The following ZDHHC14 variants were observed in gnomAD, a reference collection of about 807,000 sequenced individuals.
The protein encoded by ZDHHC14 is palmitoyltransferase ZDHHC14.
A neutral mutation model predicts 47.7 loss-of-function variants in ZDHHC14; 16 were observed. The ratio of observed to expected loss-of-function variants is 0.34; its 90% CI spans 0.23 to 0.51. ZDHHC14 has a LOEUF of 0.51. ZDHHC14 is among the 20% of genes least tolerant of loss of function. The probability of loss-of-function intolerance (pLI) is 0.97; values close to 1 mark genes in which losing one functional copy is unlikely to be tolerated. For missense variants in ZDHHC14, 515 were observed against 662.5 expected (o/e 0.78, Z 2.44); for synonymous variants, 293 against 278.9 (o/e 1.05, Z -0.50).
chr6:157,611,975 C>T (rs113363833), intron 3 of ZDHHC14, among the ~76,000 whole-genome samples: 5,264 of 152,268 alleles, frequency 0.035, 110 homozygotes, highest in Non-Finnish European at 0.051. Context: ...CATGCATATG[C>T]AGCTTCCCGC....
At chr6:157,588,403 G>T (rs1783775219) in intron 2 of ZDHHC14, among the ~76,000 whole-genome samples, 1 of 152,332 alleles carries the variant, frequency 6.6e-6, no homozygotes, top group South Asian at 2.1e-4. Context: ...AGGCTACAGT[G>T]AGCTATGATA....
chr6:157,414,077 C>A (rs1248903917), intron 1 of ZDHHC14, among the ~76,000 whole-genome samples: 1 of 152,156 alleles, frequency 6.6e-6, no homozygotes, highest in Non-Finnish European at 1.5e-5. Context: ...GCTGGGATTA[C>A]AGGCATACCA....
intron 1 of ZDHHC14, among the ~76,000 whole-genome samples, chr6:157,500,714 T>C (rs1780174422): frequency 6.6e-6 from 1 of 152,198 alleles, no homozygotes; most frequent in Non-Finnish European, 1.5e-5. Flanking sequence ...AGAACAGACA[T>C]GGTCCATCGT....
chr6:157,506,832 A>C (rs747078225), intron 1 of ZDHHC14, among the ~76,000 whole-genome samples: 1 of 152,240 alleles, frequency 6.6e-6, no homozygotes, highest in Non-Finnish European at 1.5e-5. Flanking sequence ...TGCATAAAGT[A>C]TCCTAAACAT....
chr6:157,647,458 G>A, intron 7 of ZDHHC14, 90 bp downstream of exon 7: 1 of 921,454 alleles, frequency 1.1e-6, no homozygotes, highest in African/African-American at 1.7e-5. Context: ...CTGGTGGAAT[G>A]GGTCGCCGCC....
intron 1 of ZDHHC14, among the ~76,000 whole-genome samples, chr6:157,382,606 A>G (rs1777236743): frequency 1.3e-5 from 2 of 152,152 alleles, no homozygotes; most frequent in South Asian, 4.1e-4. Flanking sequence ...GACCCAGCAA[A>G]TCAGCCCAGA....
intron 1 of ZDHHC14, among the ~76,000 whole-genome samples, chr6:157,422,205 G>A (rs1218110858): frequency 6.6e-6 from 1 of 152,182 alleles, no homozygotes; most frequent in Non-Finnish European, 1.5e-5. Flanking sequence ...TTAATCAAGG[G>A]ATAACAGTAA....
At chr6:157,656,468 G>A (rs2043147027) in intron 8 of ZDHHC14, among the ~76,000 whole-genome samples, 1 of 151,940 alleles carries the variant, frequency 6.6e-6, no homozygotes, top group South Asian at 2.1e-4. Context: ...CCGAGTAGAT[G>A]GGATTACAGG....
chr6:157,522,091 C>CT (rs1780937069), intron 1 of ZDHHC14, among the ~76,000 whole-genome samples: 1 of 152,126 alleles, frequency 6.6e-6, no homozygotes, highest in African/African-American at 2.4e-5. Flanking sequence ...TGAATTTGCC[C>CT]TTCTCACTTA....
At chr6:157,610,427 G>A (rs890703129) in intron 3 of ZDHHC14, among the ~76,000 whole-genome samples, 2 of 151,322 alleles carry the variant, frequency 1.3e-5, no homozygotes, top group Admixed American at 6.6e-5. Context: ...GCAAGACTCC[G>A]TCTCAAAAAA....
chr6:157,515,550 G>A (rs1487587179), intron 1 of ZDHHC14, among the ~76,000 whole-genome samples: 5 of 141,170 alleles, frequency 3.5e-5, no homozygotes, highest in African/African-American at 7.8e-5. Context: ...TGCAAGCTCC[G>A]CCTCCCGAGT....
intron 1 of ZDHHC14, among the ~76,000 whole-genome samples, chr6:157,456,303 A>G (rs1232485067): frequency 1.3e-5 from 2 of 152,184 alleles, no homozygotes; most frequent in Admixed American, 6.5e-5. Context: ...GATTGGCCTG[A>G]AAACAGGTGC....
chr6:157,459,245 T>C (rs1373168402), intron 1 of ZDHHC14, among the ~76,000 whole-genome samples: 2 of 152,022 alleles, frequency 1.3e-5, no homozygotes, highest in African/African-American at 2.4e-5. Flanking sequence ...ACGTTCATCA[T>C]AATGTAGAAG....
intron 8 of ZDHHC14, among the ~76,000 whole-genome samples, chr6:157,667,122 G>A (rs1332983250): frequency 6.6e-6 from 1 of 152,138 alleles, no homozygotes; most frequent in Non-Finnish European, 1.5e-5. Flanking sequence ...CCTAATATTT[G>A]ATACATATGA....
At chr6:157,652,791 AT>A (rs1278127666) in intron 7 of ZDHHC14, among the ~76,000 whole-genome samples, 1 of 152,136 alleles carries the variant, frequency 6.6e-6, no homozygotes, top group Non-Finnish European at 1.5e-5. Flanking sequence ...AGGGGCTCTA[AT>A]CCCCATCTCT....
At chr6:157,455,997 C>T (rs146336285) in intron 1 of ZDHHC14, among the ~76,000 whole-genome samples, 2,225 of 152,230 alleles carry the variant, frequency 0.015, 57 homozygotes, top group African/African-American at 0.05. Context: ...CCTTAGGCCT[C>T]AGAGAAAGAA....
At chr6:157,604,957 A>T (rs1412699378) in intron 3 of ZDHHC14, among the ~76,000 whole-genome samples, 1 of 152,196 alleles carries the variant, frequency 6.6e-6, no homozygotes, top group Non-Finnish European at 1.5e-5. Context: ...GATGAAACAT[A>T]CCTTACCAGC....
At chr6:157,666,479 C>T (rs1044437276) in intron 8 of ZDHHC14, among the ~76,000 whole-genome samples, 18 of 152,206 alleles carry the variant, frequency 1.2e-4, no homozygotes, top group African/African-American at 4.3e-4. Flanking sequence ...AAAAGCTCTC[C>T]TTCCAACCTG....
rs796446551 is a variant in ZDHHC14, at chr6:157,511,065, A to ATCCTCT, written c.246-31509_246-31504dup. Among the ~76,000 whole-genome samples, 115 of 152,336 alleles carry ATCCTCT rather than the reference A, an allele frequency of 7.5e-4. 3 individuals carry two copies. Among genetic ancestry groups the ATCCTCT allele is most frequent in the African/African-American group, 2.6e-3 (110 of 41,576 alleles). On this transcript the variant is annotated intron_variant, in intron 1 of 8. Coordinates refer to ENST00000359775, the MANE Select transcript of ZDHHC14 (RefSeq NM_024630.3). The stretch of plus-strand genomic sequence containing the variant: ...ACCGCAGCCTCCGCCTCAGAGCCAG[A>ATCCTCT]TCCTCTTCCTCTTCCTTAGTAGGCA...
Sources: allele counts gnomAD v4.1 joint callset (sites outside exome capture counted in the v4.1 genomes callset), GRCh38; gene constraint gnomAD v4.1.1; transcripts MANE v1.5; gene names NCBI Gene and HGNC (gene_info 2026-07-23, HGNC 2026-07-21).